The following NUF2 variants were observed in gnomAD, a reference collection of about 807,000 sequenced individuals.
NUF2 encodes the protein NUF2 component of NDC80 kinetochore complex.
Under a neutral mutation model 61.8 loss-of-function variants are expected in NUF2, and 34 were observed. That is an observed-to-expected ratio of 0.55 (90% CI 0.42 to 0.73). The LOEUF (loss-of-function observed/expected upper bound fraction) is 0.73. Ranked by LOEUF, NUF2 falls within the 30% of genes least tolerant of loss-of-function variation. NUF2 has a pLI of 0.00. For synonymous variants in NUF2, 172 were observed against 181.6 expected, an observed-to-expected ratio of 0.95 and a Z score of 0.42; for missense variants, 445 against 539.1, an observed-to-expected ratio of 0.83 and a Z score of 1.73.
At chr1:163,333,331 G>T (rs1650659526) in intron 5 of NUF2, among the ~76,000 whole-genome samples, 1 of 151,980 alleles carries the variant, frequency 6.6e-6, no homozygotes, top group African/African-American at 2.4e-5. Context: ...GACAGCATAT[G>T]GTTGGGTCTT....
chr1:163,349,496 C>CA (rs908412145), intron 13 of NUF2, among the ~76,000 whole-genome samples: 3 of 152,098 alleles, frequency 2.0e-5, no homozygotes, highest in African/African-American at 7.2e-5. Flanking sequence ...CCAGAAATCA[C>CA]AAAAAATTGC....
At chr1:163,348,837 G>A in intron 12 of NUF2, 108 bp from the exon 13 acceptor site, 2 of 1,227,226 alleles carry the variant, frequency 1.6e-6, no homozygotes, top group East Asian at 2.4e-5. Context: ...AGAGTTTTAG[G>A]TTTGTCAAAT....
chr1:163,344,372 T>C (rs1651048127), intron 10 of NUF2, among the ~76,000 whole-genome samples: 1 of 151,652 alleles, frequency 6.6e-6, no homozygotes, highest in Non-Finnish European at 1.5e-5. Flanking sequence ...TTTGAAATAA[T>C]GTAATAAGGG....
intron 5 of NUF2, among the ~76,000 whole-genome samples, chr1:163,332,905 C>G (rs1650642979): frequency 6.6e-6 from 1 of 152,158 alleles, no homozygotes; most frequent in Non-Finnish European, 1.5e-5. Context: ...TTCAGCCCAC[C>G]ACATGGTCTA....
At chr1:163,333,966 C>G (rs1650676327) in intron 5 of NUF2, among the ~76,000 whole-genome samples, 1 of 152,126 alleles carries the variant, frequency 6.6e-6, no homozygotes, top group Non-Finnish European at 1.5e-5. Flanking sequence ...ACCCTTGTCC[C>G]TCTCCTACCC....
At position 163,343,886 on chromosome 1, in the gene NUF2, A is replaced by G. The variant is rs778382309; in HGVS notation, c.807+16A>G. On this transcript the variant is annotated intron_variant, in intron 10 of 13. Coordinates refer to ENST00000271452, the MANE Select transcript of NUF2 (RefSeq NM_145697.3). ...AAATGCCAGAGTGAGTTTTCTTTTT[A>G]TTTTAATGCTTTTGTATCTAAAAAA... is the stretch of plus-strand genomic sequence containing the variant. 2.2e-6 allele frequency: 3 copies of G among 1,378,848 alleles called. No homozygotes were observed. The highest frequency in any genetic ancestry group is 9.5e-7 in the Non-Finnish European group (1 of 1,049,298). The allele number at this position is 1,378,848 out of a possible 1,614,324, so 85.4% of individuals were successfully genotyped here.
intron 5 of NUF2, 41 bp from the exon 6 acceptor site, chr1:163,336,706 TGTTA>T (rs1650770400): frequency 8.6e-7 from 1 of 1,164,010 alleles, no homozygotes. Context: ...TTTCATATTA[TGTTA>T]GTTCAAAGGT....
rs376894329 is a variant in NUF2, at chr1:163,343,878, T to G, written c.807+8T>G. 3.6e-6 allele frequency: 5 copies of G among 1,384,006 alleles called. No individual in the cohort carries two copies. Among genetic ancestry groups the G allele is most frequent in the African/African-American group, 1.5e-5 (1 of 66,514 alleles). 85.7% of individuals were successfully genotyped at this position (1,384,006 alleles called of 1,614,324 possible). ...AAGCTTAAAAATGCCAGAGTGAGTT[T>G]TCTTTTTATTTTAATGCTTTTGTAT... On this transcript the variant is annotated splice_region_variant and intron_variant, in intron 10 of 13. Coordinates refer to ENST00000271452, the MANE Select transcript of NUF2 (RefSeq NM_145697.3).
intron 5 of NUF2, among the ~76,000 whole-genome samples, chr1:163,334,143 A>G (rs1325987439): frequency 6.6e-6 from 1 of 152,210 alleles, no homozygotes; most frequent in East Asian, 1.9e-4. Flanking sequence ...TGCAGAAGAC[A>G]TTATTTCTTC....
At chr1:163,343,315 T>C (rs531962360) in intron 9 of NUF2, among the ~76,000 whole-genome samples, 1 of 152,244 alleles carries the variant, frequency 6.6e-6, no homozygotes, top group Admixed American at 6.5e-5. Flanking sequence ...AAAGAAGAAA[T>C]GTAGAGAAAA....
At position 163,336,742 on chromosome 1, in the gene NUF2, C is replaced by A; in HGVS notation, c.338-9C>A. 1 of 1,579,166 alleles carries A rather than the reference C, an allele frequency of 6.3e-7. No homozygotes were observed. Among genetic ancestry groups the A allele is most frequent in the African/African-American group, 1.3e-5 (1 of 74,292 alleles). On this transcript the variant is annotated splice_polypyrimidine_tract_variant and intron_variant, in intron 5 of 13. Coordinates refer to ENST00000271452, the MANE Select transcript of NUF2 (RefSeq NM_145697.3). ...AGGTTTATTTAAAGAGTCTTGCTTT[C>A]TATTTTAGAAGCAAAACGGACAAGT...
chr1:163,323,693 C>T (rs1650316242), intron 1 of NUF2, among the ~76,000 whole-genome samples: 1 of 151,942 alleles, frequency 6.6e-6, no homozygotes, highest in Admixed American at 6.6e-5. Context: ...TGCACTCCAG[C>T]CTGGATGACA....
At chr1:163,350,352 G>A (rs550619894) in intron 13 of NUF2, among the ~76,000 whole-genome samples, 10 of 151,174 alleles carry the variant, frequency 6.6e-5, no homozygotes, top group African/African-American at 9.7e-5. Flanking sequence ...CTTCTTAACC[G>A]AATCAAATCA....
intron 4 of NUF2, chr1:163,328,606 G>A (rs1031428857): frequency 5.9e-6 from 3 of 505,238 alleles, no homozygotes; most frequent in African/African-American, 1.9e-5. Flanking sequence ...CCAAGTTTAT[G>A]TACTATTTAT....
chr1:163,347,264 G>A (rs75512693), intron 11 of NUF2, among the ~76,000 whole-genome samples: 151 of 152,288 alleles, frequency 9.9e-4, no homozygotes, highest in African/African-American at 3.4e-3. Context: ...TCCAGGCTGC[G>A]CCTCCAGGAT....
Position 163,327,545 on chromosome 1 carries a change from C to G in NUF2, c.181C>G (p.Leu61Val), listed in dbSNP as rs1220722263. The stretch of plus-strand genomic sequence containing the variant: ...CTTACAAATAGTATATGGAATTCGA[C>G]TGGAACATTTTTACATGGTGAGTTT... ...RALQIVYGIR[L>V]EHFYMMPVNS... Residue 61 changes from leucine to valine, a missense_variant, in exon 3 of 14, where the codon CTG (leucine) becomes GTG (valine). Transcript: ENST00000271452. The G allele has an allele frequency of 6.2e-7, 1 of 1,608,716 alleles. No homozygotes were observed. Among genetic ancestry groups the G allele is most frequent in the Non-Finnish European group, 8.5e-7 (1 of 1,175,334 alleles).
chr1:163,340,754 A>T (rs2101681098), intron 9 of NUF2, among the ~76,000 whole-genome samples: 1 of 152,212 alleles, frequency 6.6e-6, no homozygotes, highest in East Asian at 1.9e-4. Context: ...TTTTTTCTCC[A>T]CTTAGCGATA....
chr1:163,337,827 G>A (rs931842755), intron 6 of NUF2, among the ~76,000 whole-genome samples, 193 bp from the exon 7 acceptor site: 3 of 152,002 alleles, frequency 2.0e-5, no homozygotes, highest in Non-Finnish European at 4.4e-5. Flanking sequence ...TCTCAGTACC[G>A]AGCTCAGTGC....
At chr1:163,355,302 A>C (rs1651450826) in intron 13 of NUF2, 33 bp from the exon 14 acceptor site, 1 of 1,525,908 alleles carries the variant, frequency 6.6e-7, no homozygotes, top group Non-Finnish European at 8.9e-7. Flanking sequence ...TGTTGCATGG[A>C]ATAATTATTA....
Sources: gnomAD v4.1 joint callset for allele counts (sites outside exome capture counted in the v4.1 genomes callset) on GRCh38, gnomAD v4.1.1 for gene constraint, MANE v1.5 for transcripts, NCBI Gene and HGNC (gene_info 2026-07-23, HGNC 2026-07-21) for gene names.